The following RBM27 variants were observed in gnomAD, a reference collection of about 807,000 sequenced individuals.
RBM27 encodes the protein RNA binding motif protein 27.
A neutral mutation model predicts 135.3 loss-of-function variants in RBM27; 22 were observed. That is an observed-to-expected ratio of 0.16 (90% CI 0.12 to 0.23). The LOEUF is 0.23. Among genes scored for constraint, RBM27 ranks in the 10% least tolerant of loss-of-function variants. RBM27 has a pLI of 1.00. For synonymous variants in RBM27, 481 were observed against 442.4 expected, an observed-to-expected ratio of 1.09 and a Z score of -1.10; for missense variants, 1,009 against 1,281.0, an observed-to-expected ratio of 0.79 and a Z score of 3.24.
intron 19 of RBM27, among the ~76,000 whole-genome samples, chr5:146,280,903 G>C (rs1310380486): frequency 6.6e-6 from 1 of 151,908 alleles, no homozygotes; most frequent in African/African-American, 2.4e-5. Flanking sequence ...TGTCACTCAG[G>C]CTGGAGTGCA....
chr5:146,246,362 G>T (rs1005259513), intron 8 of RBM27, among the ~76,000 whole-genome samples: 2 of 152,126 alleles, frequency 1.3e-5, no homozygotes, highest in Admixed American at 1.3e-4. Flanking sequence ...TGAAAATATT[G>T]ATATTAGGCA....
intron 1 of RBM27, among the ~76,000 whole-genome samples, chr5:146,209,712 A>G (rs953231594): frequency 5.3e-5 from 8 of 152,148 alleles, no homozygotes; most frequent in Admixed American, 2.6e-4. Flanking sequence ...AGTATTTTGG[A>G]GGTATATTCT....
intron 1 of RBM27, among the ~76,000 whole-genome samples, chr5:146,204,070 A>G (rs993071284): frequency 2.0e-5 from 3 of 152,188 alleles, no homozygotes; most frequent in Admixed American, 1.3e-4. Context: ...AGGCTTTTCA[A>G]ACGCAAATAT....
chr5:146,267,884 A>G (rs1758685392), intron 15 of RBM27, 116 bp downstream of exon 15: 1 of 1,028,050 alleles, frequency 9.7e-7, no homozygotes, highest in Non-Finnish European at 1.4e-6. Flanking sequence ...CATAATGCTT[A>G]TTTAGCTTCT....
rs2963930 is a variant in RBM27, at chr5:146,216,274, C to T, written c.60-2711C>T. ...ATGGTCTAAAACTTCTGGACTCAAG[C>T]GATTCCCCACACTTTGGCCTCCCAC... On this transcript the variant is annotated intron_variant, in intron 1 of 20. Transcript: ENST00000265271. 7.6e-3 allele frequency among the ~76,000 whole-genome samples: 1,164 copies of T among 152,226 alleles called. 19 individuals carry two copies. Among genetic ancestry groups the T allele is most frequent in the African/African-American group, 0.027 (1,110 of 41,534 alleles).
intron 1 of RBM27, among the ~76,000 whole-genome samples, chr5:146,209,637 G>A (rs566109951): frequency 2.0e-5 from 3 of 152,212 alleles, no homozygotes; most frequent in East Asian, 3.9e-4. Flanking sequence ...CAAATGGGAG[G>A]AAAAATAATT....
At chr5:146,236,843 C>G (rs1023175907) in intron 7 of RBM27, among the ~76,000 whole-genome samples, 1 of 150,732 alleles carries the variant, frequency 6.6e-6, no homozygotes, top group Non-Finnish European at 1.5e-5. Context: ...AAGCTGATCT[C>G]GAACTTTTGA....
chr5:146,253,512 G>T (rs563690076), intron 9 of RBM27, among the ~76,000 whole-genome samples: 1 of 151,986 alleles, frequency 6.6e-6, no homozygotes, highest in East Asian at 1.9e-4. Context: ...TCTTAATCTA[G>T]TGATGCCTTT....
At chr5:146,213,243 C>A (rs538138032) in intron 1 of RBM27, among the ~76,000 whole-genome samples, 1 of 152,148 alleles carries the variant, frequency 6.6e-6, no homozygotes, top group Admixed American at 6.6e-5. Flanking sequence ...GCTGGGATAA[C>A]AGGCATGCAC....
intron 1 of RBM27, 47 bp downstream of exon 1, chr5:146,203,871 G>T: frequency 6.7e-7 from 1 of 1,502,748 alleles, no homozygotes; most frequent in Non-Finnish European, 9.0e-7. Flanking sequence ...GGGCGTTGGG[G>T]GCTCGCGGGG....
intron 7 of RBM27, among the ~76,000 whole-genome samples, chr5:146,236,231 C>T (rs551493268): frequency 6.6e-6 from 1 of 152,194 alleles, no homozygotes; most frequent in Admixed American, 6.6e-5. Flanking sequence ...TGTATACTTA[C>T]CATCTAGGTT....
intron 10 of RBM27, 115 bp from the exon 11 acceptor site, chr5:146,258,333 TA>T (rs1317854804): frequency 1.4e-5 from 11 of 759,414 alleles, no homozygotes; most frequent in Non-Finnish European, 2.1e-5. Context: ...TAGGCATTTC[TA>T]AAAGAGAAAT....
At chr5:146,239,982 T>C (rs1410325781) in intron 8 of RBM27, among the ~76,000 whole-genome samples, 1 of 152,042 alleles carries the variant, frequency 6.6e-6, no homozygotes, top group East Asian at 1.9e-4. Flanking sequence ...TCTCACTATG[T>C]TGCTCAGGCT....
At chr5:146,211,056 T>G (rs1380443634) in intron 1 of RBM27, among the ~76,000 whole-genome samples, 1 of 152,110 alleles carries the variant, frequency 6.6e-6, no homozygotes, top group African/African-American at 2.4e-5. Context: ...GTGGAGCACT[T>G]GAGTCCAGGA....
intron 19 of RBM27, among the ~76,000 whole-genome samples, chr5:146,278,393 G>A (rs1002329287): frequency 3.3e-5 from 5 of 152,068 alleles, no homozygotes; most frequent in Admixed American, 6.6e-5. Flanking sequence ...AGGAATAAAA[G>A]TGTATACAAT....
In RBM27 at chr5:146,203,697, G is replaced by T. The variant is rs1234295506; in HGVS notation, c.-69G>T. ...CCGGGAGCTGTGAAGGGAACGTGAGGGGGCGGCGTAGTGGAGACCCACGGC... is the reference window on the plus strand; with the variant it reads ...CCGGGAGCTGTGAAGGGAACGTGAGTGGGCGGCGTAGTGGAGACCCACGGC... On this transcript the variant is annotated 5_prime_UTR_variant, in exon 1 of 21. Transcript: ENST00000265271. The T allele has an allele frequency of 1.4e-6, 2 of 1,415,494 alleles. No individual in the cohort carries two copies. Among genetic ancestry groups the T allele is most frequent in the East Asian group, 5.0e-5 (2 of 40,048 alleles). 87.7% of individuals were successfully genotyped at this position (1,415,494 alleles called of 1,614,324 possible).
chr5:146,214,777 G>T (rs1431661495), intron 1 of RBM27, among the ~76,000 whole-genome samples: 1 of 152,126 alleles, frequency 6.6e-6, no homozygotes, highest in Admixed American at 6.6e-5. Flanking sequence ...AAATGTAAAT[G>T]GTCCTATTCC....
chr5:146,264,164 A>ATATT (rs1348702026), intron 14 of RBM27, among the ~76,000 whole-genome samples: 5 of 151,378 alleles, frequency 3.3e-5, no homozygotes, highest in South Asian at 2.1e-4. Flanking sequence ...AGAATTTTAG[A>ATATT]TATTTATTTG....
Position 146,286,720 on chromosome 5 carries a change from C to A in RBM27, c.*690C>A, listed in dbSNP as rs1247144087. The A allele has an allele frequency of 6.6e-6, 1 of 152,000 alleles. No homozygotes were observed. The highest frequency in any genetic ancestry group is 2.4e-5 in the African/African-American group (1 of 41,394). 9.4% of individuals were successfully genotyped at this position (152,000 alleles called of 1,614,324 possible). ...TGTCATATGAACTCCTGGACTTTTC[C>A]TGCTACTGATTCTTAGTTTGCTTTG... On this transcript the variant is annotated 3_prime_UTR_variant, in exon 21 of 21. Transcript: ENST00000265271.
Sources: gnomAD v4.1 joint callset for allele counts (sites outside exome capture counted in the v4.1 genomes callset) on GRCh38, gnomAD v4.1.1 for gene constraint, MANE v1.5 for transcripts, NCBI Gene and HGNC (gene_info 2026-07-23, HGNC 2026-07-21) for gene names.